The following SGSM1 variants were observed in gnomAD, a reference collection of about 807,000 sequenced individuals.
SGSM1 encodes the protein small G protein signaling modulator 1, also known as RUN and TBC1 domain containing 2.
In SGSM1, 73 loss-of-function variants were observed where a neutral mutation model predicts 133.8. That is an observed-to-expected ratio of 0.55 (90% CI 0.45 to 0.66). The LOEUF is 0.66. Ranked by LOEUF, SGSM1 falls within the 30% of genes least tolerant of loss-of-function variation. SGSM1 has a pLI of 0.00. For synonymous variants in SGSM1, 563 were observed against 573.0 expected (o/e 0.98, Z 0.25); for missense variants, 1,213 against 1,448.1 (o/e 0.84, Z 2.64).
chr22:24,817,234 C>A (rs1601885810), intron 2 of SGSM1, among the ~76,000 whole-genome samples: 1 of 152,142 alleles, frequency 6.6e-6, no homozygotes. Context: ...TGGGGATGTA[C>A]TATGTGCCAG....
intron 2 of SGSM1, among the ~76,000 whole-genome samples, chr22:24,840,068 G>A (rs1308425428): frequency 1.3e-5 from 2 of 150,100 alleles, no homozygotes; most frequent in Admixed American, 6.7e-5. Flanking sequence ...TCAGCCTCCC[G>A]AGTAGCTGGG....
intron 17 of SGSM1, among the ~76,000 whole-genome samples, chr22:24,894,635 C>T (rs2877254): frequency 0.2 from 30,907 of 152,094 alleles, 4,447 homozygotes; most frequent in African/African-American, 0.4. Context: ...CTCGTATTTG[C>T]CTGGGGTGAC....
intron 14 of SGSM1, among the ~76,000 whole-genome samples, chr22:24,881,005 A>G (rs539852238): frequency 1.3e-5 from 2 of 152,134 alleles, no homozygotes; most frequent in East Asian, 3.9e-4. Flanking sequence ...AGCCTGGTCA[A>G]CATGGTGAAA....
intron 16 of SGSM1, among the ~76,000 whole-genome samples, chr22:24,888,629 A>T (rs575836949): frequency 3.3e-5 from 5 of 152,168 alleles, no homozygotes; most frequent in African/African-American, 1.2e-4. Context: ...AAAAACAAAA[A>T]TCAGCTGGGC....
chr22:24,868,781 C>T lies in SGSM1; in HGVS notation c.1217C>T (p.Ser406Phe). The change falls in exon 12 of 25, where the codon TCT becomes TTT. Residue 406 changes from serine (S) to phenylalanine (F), a missense_variant. Physicochemically the swap from Ser to Phe is radical, Grantham distance 155. Coordinates refer to ENST00000400358, the MANE Select transcript of SGSM1 (RefSeq NM_001098497.3). ...CCTCAGGGTTCTGCCGAGTCCACAT[C>T]TTCAGACAAAGATGATGATGAGGCC... is the stretch of plus-strand genomic sequence containing the variant. ...RSPQGSAEST[S>F]SDKDDDEATD... is the part of the protein sequence containing the mutation. 1 of 1,614,030 alleles carries T rather than the reference C, an allele frequency of 6.2e-7. No individual in the cohort carries two copies. Among genetic ancestry groups the T allele is most frequent in the East Asian group, 2.2e-5 (1 of 44,870 alleles).
intron 23 of SGSM1, among the ~76,000 whole-genome samples, chr22:24,918,199 T>C (rs529077203): frequency 2.8e-4 from 43 of 152,240 alleles, no homozygotes; most frequent in African/African-American, 9.6e-4. Context: ...TGGGGTGATG[T>C]TAATAATTAT....
chr22:24,913,549 C>T (rs970537566), intron 22 of SGSM1, among the ~76,000 whole-genome samples: 8 of 152,188 alleles, frequency 5.3e-5, no homozygotes, highest in African/African-American at 1.9e-4. Flanking sequence ...AATGTGTTAA[C>T]TTGAGTAAAT....
At chr22:24,847,953 C>CG (rs1930245838) in intron 4 of SGSM1, among the ~76,000 whole-genome samples, 157 bp downstream of exon 4, 1 of 151,082 alleles carries the variant, frequency 6.6e-6, no homozygotes, top group South Asian at 2.1e-4. Flanking sequence ...GGTCTTTGCA[C>CG]GTGCCTCACC....
Position 24,844,955 on chromosome 22 carries a change from A to G in SGSM1, c.122A>G (p.His41Arg). Residue 41 changes from histidine (H) to arginine (R), a missense_variant, in exon 3 of 25, where the codon CAC becomes CGC. Coordinates refer to ENST00000400358, the MANE Select transcript of SGSM1 (RefSeq NM_001098497.3). ...AAGTTTGTCCACGAAGACAGCAGCC[A>G]CATCATCTCCTTCTGTGGTGAGTCT... Reference protein sequence around the residue: ...TRKFVHEDSSHIISFCAAVEA... With the variant: ...TRKFVHEDSSRIISFCAAVEA... 2 of 1,613,862 alleles carry G rather than the reference A, an allele frequency of 1.2e-6. No individual in the cohort carries two copies. Among genetic ancestry groups the G allele is most frequent in the Non-Finnish European group, 8.5e-7 (1 of 1,179,886 alleles).
chr22:24,882,936 C>T (rs1012204203), intron 14 of SGSM1, among the ~76,000 whole-genome samples: 5 of 149,450 alleles, frequency 3.3e-5, no homozygotes, highest in Non-Finnish European at 5.9e-5. Flanking sequence ...CTCGCTCTGT[C>T]GCCCAGGCTG....
chr22:24,843,302 G>A (rs1206885617), intron 2 of SGSM1, among the ~76,000 whole-genome samples: 1 of 152,134 alleles, frequency 6.6e-6, no homozygotes, highest in Non-Finnish European at 1.5e-5. Flanking sequence ...CAGCTCTAGG[G>A]GGACACTGCC....
At chr22:24,865,951 C>T (rs1569154481) in intron 9 of SGSM1, among the ~76,000 whole-genome samples, 1 of 152,172 alleles carries the variant, frequency 6.6e-6, no homozygotes, top group Non-Finnish European at 1.5e-5. Flanking sequence ...AGCAGCCTAA[C>T]GGAAGCCTGG....
At chr22:24,913,306 A>G (rs1236691041) in intron 22 of SGSM1, among the ~76,000 whole-genome samples, 7 of 147,776 alleles carry the variant, frequency 4.7e-5, no homozygotes, top group African/African-American at 7.3e-5. Flanking sequence ...AAAAAAAAAA[A>G]AAAAGAAAGA....
intron 23 of SGSM1, among the ~76,000 whole-genome samples, chr22:24,919,324 A>G (rs1215292657): frequency 2.0e-5 from 3 of 152,132 alleles, no homozygotes; most frequent in East Asian, 1.9e-4. Flanking sequence ...TGCTGGGATT[A>G]CAGTCATGAG....
intron 2 of SGSM1, among the ~76,000 whole-genome samples, chr22:24,815,403 A>G (rs1340719133): frequency 6.6e-6 from 1 of 152,184 alleles, no homozygotes; most frequent in Non-Finnish European, 1.5e-5. Flanking sequence ...AACTAAACTC[A>G]GAGGTTTATA....
intron 19 of SGSM1, chr22:24,901,043 A>T (rs1933142694): frequency 6.6e-6 from 1 of 152,248 alleles, no homozygotes; most frequent in Admixed American, 6.5e-5. Context: ...AAACCGCATG[A>T]GTTACAAACC....
At chr22:24,895,841 C>T (rs1182533747) in intron 18 of SGSM1, among the ~76,000 whole-genome samples, 2 of 152,060 alleles carry the variant, frequency 1.3e-5, no homozygotes, top group African/African-American at 4.8e-5. Flanking sequence ...AGCCCAGGAG[C>T]TTAAACCCAG....
chr22:24,829,525 GTT>G (rs1183381023), intron 2 of SGSM1, among the ~76,000 whole-genome samples: 1 of 152,082 alleles, frequency 6.6e-6, no homozygotes, highest in Admixed American at 6.5e-5. Context: ...AACTTAAAAC[GTT>G]TGTTTTTCTT....
rs1181516466 is a variant in SGSM1 at position 24,868,462 on chromosome 22, C to A, written c.1081C>A (p.Gln361Lys). ...FRFPKGGHLL[Q>K]FLSCLENGLL... is the part of the protein sequence containing the mutation. ...CTTCCCCAAGGGCGGGCACCTCCTG[C>A]AGTTCCTCTCGTGCCTGGAGAATGG... The change falls in exon 11 of 25, where the codon CAG becomes AAG. Residue 361 changes from glutamine (Q) to lysine (K), a missense_variant. By Grantham distance (53) the Gln-to-Lys change is moderately conservative (BLOSUM62 1). Coordinates refer to ENST00000400358, the MANE Select transcript of SGSM1 (RefSeq NM_001098497.3). 6.2e-7 allele frequency: 1 copy of A among 1,613,762 alleles called. No individual in the cohort carries two copies. Among genetic ancestry groups the A allele is most frequent in the Non-Finnish European group, 8.5e-7 (1 of 1,179,884 alleles).
Sources: gnomAD v4.1 joint callset for allele counts (sites outside exome capture counted in the v4.1 genomes callset) on GRCh38, gnomAD v4.1.1 for gene constraint, MANE v1.5 for transcripts, NCBI Gene and HGNC (gene_info 2026-07-23, HGNC 2026-07-21) for gene names.